ARHGAP24: variants seen among roughly 807,000 people sequenced by gnomAD.
ARHGAP24 encodes the protein Rho GTPase activating protein 24.
In ARHGAP24, 50 loss-of-function variants were observed where a neutral mutation model predicts 76.4. The observed-to-expected ratio is 0.65, with a 90% confidence interval of 0.52 to 0.83. ARHGAP24 has a LOEUF of 0.83. Ranked by LOEUF, ARHGAP24 falls within the 40% of genes least tolerant of loss-of-function variation. The pLI is 0.00. For synonymous variants in ARHGAP24, 345 were observed against 323.3 expected (o/e 1.07, Z -0.72); for missense variants, 930 against 914.2 (o/e 1.02, Z -0.22).
intron 3 of ARHGAP24, among the ~76,000 whole-genome samples, chr4:85,750,404 G>A (rs1196830128): frequency 6.7e-6 from 1 of 150,044 alleles, no homozygotes; most frequent in Non-Finnish European, 1.5e-5. Flanking sequence ...CTTGCCCCAT[G>A]ACAGATACTT....
chr4:85,910,969 A>C (rs920703405), intron 3 of ARHGAP24, among the ~76,000 whole-genome samples: 1 of 151,908 alleles, frequency 6.6e-6, no homozygotes, highest in Non-Finnish European at 1.5e-5. Context: ...CTCCACCCTG[A>C]CTTTGCTCTG....
intron 2 of ARHGAP24, among the ~76,000 whole-genome samples, chr4:85,584,455 G>C (rs987541963): frequency 6.9e-6 from 1 of 144,392 alleles, no homozygotes; most frequent in Non-Finnish European, 1.5e-5. Context: ...GTTGGGGGAG[G>C]GGGGAGGGAT....
chr4:85,733,986 G>T (rs557025861), intron 3 of ARHGAP24, among the ~76,000 whole-genome samples: 15 of 152,186 alleles, frequency 9.9e-5, no homozygotes, highest in African/African-American at 3.6e-4. Context: ...TATTTTAGGG[G>T]ACAAACTTTC....
At chr4:85,627,480 C>T (rs892350610) in intron 2 of ARHGAP24, among the ~76,000 whole-genome samples, 2 of 152,192 alleles carry the variant, frequency 1.3e-5, no homozygotes, top group African/African-American at 4.8e-5. Flanking sequence ...TCAGTCTGCA[C>T]CTACTGGTTG....
chr4:85,970,124 A>G (rs193030357), intron 5 of ARHGAP24, among the ~76,000 whole-genome samples: 3 of 152,232 alleles, frequency 2.0e-5, no homozygotes, highest in East Asian at 3.9e-4. Flanking sequence ...GTGAAGTCCT[A>G]TGGTCCATGA....
At chr4:85,851,583 G>A (rs1336471882) in intron 3 of ARHGAP24, among the ~76,000 whole-genome samples, 1 of 152,178 alleles carries the variant, frequency 6.6e-6, no homozygotes, top group Non-Finnish European at 1.5e-5. Flanking sequence ...GCAGTGGCTG[G>A]TACCAGTTGT....
At chr4:85,495,455 A>C (rs1723537423) in intron 1 of ARHGAP24, among the ~76,000 whole-genome samples, 2 of 137,418 alleles carry the variant, frequency 1.5e-5, no homozygotes. Flanking sequence ...GGTTCATGCC[A>C]TTGTCCTGCC....
intron 2 of ARHGAP24, among the ~76,000 whole-genome samples, chr4:85,599,480 T>C (rs959323979): frequency 1.3e-5 from 2 of 152,176 alleles, no homozygotes; most frequent in Admixed American, 6.6e-5. Context: ...GAAGCCTCCT[T>C]ACTTTCTGGG....
chr4:85,847,210 C>T (rs1468139931), intron 3 of ARHGAP24, among the ~76,000 whole-genome samples: 1 of 152,096 alleles, frequency 6.6e-6, no homozygotes, highest in Non-Finnish European at 1.5e-5. Flanking sequence ...TAAAGTGTCA[C>T]TTGGTTTTTT....
intron 2 of ARHGAP24, among the ~76,000 whole-genome samples, chr4:85,655,786 T>TAG (rs1484355846): frequency 2.4e-4 from 8 of 32,734 alleles, no homozygotes; most frequent in East Asian, 8.3e-4. Flanking sequence ...TATATATATA[T>TAG]ATATATAGAG....
At chr4:85,528,016 C>G (rs1025987512) in intron 1 of ARHGAP24, among the ~76,000 whole-genome samples, 1 of 151,996 alleles carries the variant, frequency 6.6e-6, no homozygotes, top group Non-Finnish European at 1.5e-5. Context: ...GGCATATAAA[C>G]AATAGATTAC....
At chr4:85,899,481 G>T (rs1449870200) in intron 3 of ARHGAP24, among the ~76,000 whole-genome samples, 1 of 152,152 alleles carries the variant, frequency 6.6e-6, no homozygotes, top group Admixed American at 6.5e-5. Flanking sequence ...CGTAGAAACA[G>T]AATCACCAAG....
intron 8 of ARHGAP24, chr4:85,992,132 A>C (rs1740369145): frequency 2.5e-6 from 1 of 397,640 alleles, no homozygotes; most frequent in Non-Finnish European, 4.4e-6. Context: ...GTCTGACCTC[A>C]TTATCTGGGC....
chr4:85,662,206 A>G (rs1314872400), intron 2 of ARHGAP24, among the ~76,000 whole-genome samples: 12 of 152,268 alleles, frequency 7.9e-5, no homozygotes, highest in Non-Finnish European at 1.5e-5. Context: ...AATGATTGCC[A>G]TTCTAACTGG....
At chr4:85,881,071 T>C (rs1455285978) in intron 3 of ARHGAP24, among the ~76,000 whole-genome samples, 2 of 152,168 alleles carry the variant, frequency 1.3e-5, no homozygotes, top group African/African-American at 4.8e-5. Context: ...CATTATTAAG[T>C]AAAATAAGGG....
At chr4:85,768,927 C>T (rs980762172) in intron 3 of ARHGAP24, among the ~76,000 whole-genome samples, 1 of 152,008 alleles carries the variant, frequency 6.6e-6, no homozygotes, top group Non-Finnish European at 1.5e-5. Flanking sequence ...AAGGTAAATT[C>T]AACAAAGATA....
intron 3 of ARHGAP24, among the ~76,000 whole-genome samples, chr4:85,738,913 G>A (rs910736435): frequency 6.6e-6 from 1 of 152,124 alleles, no homozygotes; most frequent in Admixed American, 6.5e-5. Context: ...GACCAGGCAT[G>A]TTTCTTAAAA....
intron 3 of ARHGAP24, among the ~76,000 whole-genome samples, chr4:85,876,826 T>C (rs2601842): frequency 0.88 from 133,474 of 152,148 alleles, 58,623 homozygotes; most frequent in East Asian, 0.99. Context: ...TGCTCTTGTT[T>C]TACCACTTCA....
chr4:85,598,021 T>C (rs1719898802), intron 2 of ARHGAP24, among the ~76,000 whole-genome samples: 1 of 152,080 alleles, frequency 6.6e-6, no homozygotes, highest in South Asian at 2.1e-4. Flanking sequence ...TCACTTTAAC[T>C]TGGAGAATTA....
Sources: gnomAD v4.1 joint callset for allele counts (sites outside exome capture counted in the v4.1 genomes callset) on GRCh38, gnomAD v4.1.1 for gene constraint, MANE v1.5 for transcripts, NCBI Gene and HGNC (gene_info 2026-07-23, HGNC 2026-07-21) for gene names.